Variants in CDC42BPA observed in about 807,000 individuals in gnomAD.
The protein encoded by CDC42BPA is CDC42 binding protein kinase alpha, also known as serine/threonine-protein kinase MRCK alpha.
Under a neutral mutation model 223.5 loss-of-function variants are expected in CDC42BPA, and 80 were observed. The observed-to-expected ratio is 0.36, with a 90% CI of 0.30 to 0.43. The LOEUF is 0.43. Among genes scored for constraint, CDC42BPA ranks in the 20% least tolerant of loss-of-function variants. The probability of loss-of-function intolerance (pLI) is 1.00; values close to 1 mark genes in which losing one functional copy is unlikely to be tolerated. For synonymous variants in CDC42BPA, 694 were observed against 718.6 expected (o/e 0.97, Z 0.55); for missense variants, 1,743 against 2,099.9 (o/e 0.83, Z 3.32).
intron 16 of CDC42BPA, among the ~76,000 whole-genome samples, chr1:227,085,780 G>A (rs1454682628): frequency 6.6e-6 from 1 of 152,072 alleles, no homozygotes; most frequent in Non-Finnish European, 1.5e-5. Context: ...TGTACCTTAG[G>A]GTGTGCCATT....
chr1:227,134,269 C>T (rs1207309224), intron 10 of CDC42BPA, among the ~76,000 whole-genome samples: 2 of 152,134 alleles, frequency 1.3e-5, no homozygotes, highest in Admixed American at 6.5e-5. Flanking sequence ...TTCTAGAAGG[C>T]CCTCTATCTT....
At chr1:227,060,029 T>G (rs921868500) in intron 21 of CDC42BPA, among the ~76,000 whole-genome samples, 13 of 110,146 alleles carry the variant, frequency 1.2e-4, no homozygotes, top group Admixed American at 1.1e-3. Flanking sequence ...AGTTTTTTTT[T>G]GTTTTTTTTT....
Position 227,029,209 on chromosome 1 carries a change from C to A in CDC42BPA, c.3880G>T (p.Glu1294Ter). The A allele has an allele frequency of 6.3e-7, 1 of 1,596,756 alleles. No homozygotes were observed. Among genetic ancestry groups the A allele is most frequent in the South Asian group, 1.1e-5 (1 of 90,706 alleles). ...VGDNKKIHQI[E>*]LIPNDQLVAV... Reference sequence around the variant, plus strand: ...ACAAGCTGATCATTTGGAATGAGTTCAATCTGATGAATCTTCTTATTGTCA... The same window carrying A: ...ACAAGCTGATCATTTGGAATGAGTTAAATCTGATGAATCTTCTTATTGTCA... Residue 1294 changes from glutamate (E) to a stop codon, truncating the protein, a stop_gained, in exon 30 of 37, where the codon GAA becomes TAA. Transcript: ENST00000366766. LOFTEE classifies it high-confidence loss of function.
intron 21 of CDC42BPA, among the ~76,000 whole-genome samples, chr1:227,066,394 AAAAAAC>A: frequency 6.7e-6 from 1 of 148,278 alleles, no homozygotes; most frequent in East Asian, 1.9e-4. Flanking sequence ...GTCTCAAAAA[AAAAAAC>A]AAAAACAAAA....
intron 5 of CDC42BPA, among the ~76,000 whole-genome samples, chr1:227,187,991 C>A (rs2150103731): frequency 6.6e-6 from 1 of 151,710 alleles, no homozygotes; most frequent in Middle Eastern, 3.4e-3. Flanking sequence ...GCCAGGAAAA[C>A]TATATTTCAG....
At position 227,148,773 on chromosome 1, in the gene CDC42BPA, A is replaced by AAAAAAG. The variant is rs1468296435; in HGVS notation, c.694-1215_694-1214insCTTTTT. On this transcript the variant is annotated intron_variant, in intron 6 of 36. Coordinates refer to ENST00000366766, the MANE Select transcript of CDC42BPA (RefSeq NM_001394014.1). ...CAGAGCAAGACTCGGTCTCAAAAGC[A>AAAAAAG]AAAAAAAAAAAAAAAAAAAAAAAAA... 8.8e-3 allele frequency among the ~76,000 whole-genome samples: 87 copies of AAAAAAG among 9,908 alleles called. 7 individuals are homozygous for AAAAAAG. Among genetic ancestry groups the AAAAAAG allele is most frequent in the Non-Finnish European group, 0.015 (48 of 3,302 alleles). The allele number at this position is 9,908 out of a possible 152,430, so 6.5% of individuals were successfully genotyped here. A position where few individuals can be genotyped will look rare whatever the true frequency, so the allele number is the denominator to read the frequency against.
chr1:227,097,269 G>A (rs1379881151), intron 15 of CDC42BPA, among the ~76,000 whole-genome samples: 6 of 152,058 alleles, frequency 3.9e-5, no homozygotes, highest in Non-Finnish European at 7.4e-5. Flanking sequence ...ATCCTACTGT[G>A]GGGTCTCTGC....
chr1:227,269,923 A>G (rs1484050050), intron 1 of CDC42BPA, among the ~76,000 whole-genome samples: 1 of 152,214 alleles, frequency 6.6e-6, no homozygotes, highest in Non-Finnish European at 1.5e-5. Flanking sequence ...TGCAGTAACT[A>G]AATATTTTAA....
At chr1:227,102,106 G>C (rs1685143880) in intron 14 of CDC42BPA, among the ~76,000 whole-genome samples, 1 of 152,134 alleles carries the variant, frequency 6.6e-6, no homozygotes, top group African/African-American at 2.4e-5. Flanking sequence ...AAAGAATCAA[G>C]ATCTGGAGGT....
rs1261231728 is a variant in CDC42BPA at position 227,029,240 on chromosome 1, T to C, written c.3849A>G (p.Arg1283=). 2 of 1,550,212 alleles carry C rather than the reference T, an allele frequency of 1.3e-6. No individual in the cohort carries two copies. The highest frequency in any genetic ancestry group is 1.7e-6 in the Non-Finnish European group (2 of 1,143,254). The change falls in exon 30 of 37, where the codon AGA becomes AGG. Residue 1283 remains arginine (R), a synonymous_variant. Coordinates refer to ENST00000366766, the MANE Select transcript of CDC42BPA (RefSeq NM_001394014.1). ...VVHVTKDEII[R]VGDNKKIHQI... ...GATGAATCTTCTTATTGTCACCAAC[T>C]CTAATAATTTCTAAACACAGAAAGA...
chr1:227,080,815 A>G, intron 17 of CDC42BPA, 78 bp downstream of exon 17: 1 of 1,496,616 alleles, frequency 6.7e-7, no homozygotes. Context: ...AACCATTATT[A>G]GTAGCCACCT....
Position 227,100,886 on chromosome 1 carries a change from T to C in CDC42BPA, c.2249+106A>G, listed in dbSNP as rs549294552. The C allele has an allele frequency of 1.6e-4, 112 of 706,560 alleles. 1 individual carries two copies. The highest frequency in any genetic ancestry group is 9.5e-4 in the South Asian group (38 of 39,804). The allele number at this position is 706,560 out of a possible 1,614,324, so 43.8% of individuals were successfully genotyped here. On this transcript the variant is annotated intron_variant, in intron 15 of 36. Transcript: ENST00000366766. ...TTCTATCTGCCAATCCTGACTTTGG[T>C]CTCCTTTAGGTCTAGGATATGTTTA... is the stretch of plus-strand genomic sequence containing the variant.
intron 22 of CDC42BPA, among the ~76,000 whole-genome samples, chr1:227,051,109 C>G (rs1673450133): frequency 6.6e-6 from 1 of 152,180 alleles, no homozygotes; most frequent in South Asian, 2.1e-4. Context: ...CAGAACCTGA[C>G]TACAACCTCA....
intron 2 of CDC42BPA, among the ~76,000 whole-genome samples, chr1:227,226,016 C>G (rs1676804762): frequency 6.6e-6 from 1 of 152,222 alleles, no homozygotes; most frequent in Non-Finnish European, 1.5e-5. Flanking sequence ...AGGCTCCACC[C>G]TCTCTCTTGA....
chr1:227,305,568 T>C (rs931401953), intron 1 of CDC42BPA, among the ~76,000 whole-genome samples: 12 of 152,244 alleles, frequency 7.9e-5, no homozygotes, highest in African/African-American at 2.9e-4. Flanking sequence ...CTTATTAAGC[T>C]GACTTTATTC....
intron 17 of CDC42BPA, among the ~76,000 whole-genome samples, chr1:227,079,083 C>CA (rs1268407561): frequency 1.3e-5 from 2 of 152,098 alleles, no homozygotes; most frequent in Non-Finnish European, 2.9e-5. Context: ...TATTGTATCT[C>CA]ACAGAGTTAA....
chr1:227,199,565 T>G lies in CDC42BPA; in HGVS notation c.442A>C (p.Asn148His). ...TTLHYAFQDD[N>H]NLYLVMDYYV... ...ACAAAAATGATTCTTACTAAGTTATTGTCATCCTGGAAAGCATAGTGCAAG... is the reference window on the plus strand; with the variant it reads ...ACAAAAATGATTCTTACTAAGTTATGGTCATCCTGGAAAGCATAGTGCAAG... Residue 148 changes from asparagine to histidine, a missense_variant, in exon 4 of 37, where the codon AAT (asparagine) becomes CAT (histidine). Around this residue, in one of 6 missense-constraint regions of CDC42BPA, gnomAD observed 321 missense variants for 488.7 expected, o/e 0.66. Transcript: ENST00000366766. The G allele has an allele frequency of 6.4e-7, 1 of 1,550,784 alleles. No homozygotes were observed. The highest frequency in any genetic ancestry group is 2.3e-5 in the East Asian group (1 of 44,210).
intron 2 of CDC42BPA, among the ~76,000 whole-genome samples, chr1:227,253,259 C>CGAGAGAGAGAGCGA (rs150466644): frequency 6.9e-5 from 8 of 116,544 alleles, no homozygotes; most frequent in Admixed American, 1.5e-4. Flanking sequence ...AGAGAGAGAG[C>CGAGAGAGAGAGCGA]GAGAGAGAGC....
intron 15 of CDC42BPA, among the ~76,000 whole-genome samples, chr1:227,098,996 C>T (rs936368433): frequency 2.6e-5 from 4 of 151,908 alleles, no homozygotes; most frequent in Non-Finnish European, 4.4e-5. Flanking sequence ...TATGGGAACA[C>T]TATGTGGTGT....
Sources: allele counts gnomAD v4.1 joint callset (sites outside exome capture counted in the v4.1 genomes callset), GRCh38; gene constraint gnomAD v4.1.1; regional missense constraint gnomAD v4.1.1; transcripts MANE v1.5; gene names NCBI Gene and HGNC (gene_info 2026-07-23, HGNC 2026-07-21).